The following SUGCT variants were observed in gnomAD, a reference collection of about 807,000 sequenced individuals.
The protein encoded by SUGCT is succinyl-CoA:glutarate-CoA transferase, also known as succinyl-CoA:glutarate CoA-transferase.
Under a neutral mutation model 55.0 loss-of-function variants are expected in SUGCT, and 41 were observed. The observed-to-expected ratio is 0.74, with a 90% CI of 0.58 to 0.97. The LOEUF (loss-of-function observed/expected upper bound fraction) is 0.97, where lower values mean the gene tolerates loss of function less well. Among genes scored for constraint, SUGCT ranks in the 50% least tolerant of loss-of-function variants. The pLI, the probability that SUGCT is intolerant of heterozygous loss-of-function variation, is 0.00. For missense variants in SUGCT, 568 were observed against 547.8 expected, an observed-to-expected ratio of 1.04 and a Z score of -0.37; for synonymous variants, 187 against 200.4, an observed-to-expected ratio of 0.93 and a Z score of 0.56.
chr7:40,151,245 C>G (rs576845554), intron 1 of SUGCT, among the ~76,000 whole-genome samples: 2 of 152,164 alleles, frequency 1.3e-5, no homozygotes, highest in South Asian at 4.1e-4. Flanking sequence ...TCTCTAAAAA[C>G]AAAACAAAAC....
chr7:40,993,674 A>G, the SUGCT span, among the ~76,000 whole-genome samples: 16 of 152,182 alleles, frequency 1.1e-4, no homozygotes, highest in Non-Finnish European at 2.2e-4. Flanking sequence ...ACCCATGGCC[A>G]GAATCCAATC....
At chr7:40,700,207 C>T (rs1359374759) in intron 12 of SUGCT, among the ~76,000 whole-genome samples, 1 of 152,132 alleles carries the variant, frequency 6.6e-6, no homozygotes, top group Non-Finnish European at 1.5e-5. Context: ...CTGCCTTACA[C>T]CCTGTGTTTT....
chr7:40,347,393 TTTTG>T (rs150262530), intron 9 of SUGCT, among the ~76,000 whole-genome samples: 3,767 of 152,266 alleles, frequency 0.025, 49 homozygotes, highest in Non-Finnish European at 0.038. Context: ...CTTCTAGTGT[TTTTG>T]TTTGTTTGTT....
intron 12 of SUGCT, among the ~76,000 whole-genome samples, chr7:40,521,225 A>T (rs968763957): frequency 1.4e-4 from 22 of 152,048 alleles, no homozygotes; most frequent in Non-Finnish European, 2.6e-4. Flanking sequence ...TCCCCGTGTG[A>T]TGCTGTTCTC....
At chr7:40,439,064 G>GTGTGTGTATATA (rs1283539157) in intron 9 of SUGCT, among the ~76,000 whole-genome samples, 4 of 27,194 alleles carry the variant, frequency 1.5e-4, no homozygotes, top group African/African-American at 6.2e-4. Context: ...TATATATGGT[G>GTGTGTGTATATA]TATATATATA....
In SUGCT at chr7:40,450,945, A is replaced by C. The variant is rs1583710054; in HGVS notation, c.888+1587A>C. Among the ~76,000 whole-genome samples the C allele has an allele frequency of 2.6e-5, 4 of 152,318 alleles. No homozygotes were observed. In the East Asian group the frequency reaches 7.7e-4, roughly 29 times the overall value. ...CAGGGAGAAGCTGACAAATGGAGAT[A>C]GTTCTGATTGCAGGAAGGGCTGAAA... is the stretch of plus-strand genomic sequence containing the variant. On this transcript the variant is annotated intron_variant, in intron 10 of 13. Transcript: ENST00000335693.
At chr7:40,489,663 G>A (rs1000898136) in intron 11 of SUGCT, among the ~76,000 whole-genome samples, 3 of 152,258 alleles carry the variant, frequency 2.0e-5, no homozygotes, top group Middle Eastern at 6.8e-3. Context: ...CCTGGTGACA[G>A]AGCGAGACTC....
At chr7:40,636,538 C>T (rs1800029605) in intron 12 of SUGCT, among the ~76,000 whole-genome samples, 1 of 152,190 alleles carries the variant, frequency 6.6e-6, no homozygotes, top group Non-Finnish European at 1.5e-5. Context: ...AATTTTCAGA[C>T]ATTAAAAGCA....
chr7:40,812,545 G>A (rs1192832536), intron 13 of SUGCT, among the ~76,000 whole-genome samples: 1 of 151,920 alleles, frequency 6.6e-6, no homozygotes, highest in Non-Finnish European at 1.5e-5. Context: ...AGGATCTTTT[G>A]TATTTCTATG....
the SUGCT span, among the ~76,000 whole-genome samples, chr7:40,997,991 T>C: frequency 6.6e-6 from 1 of 152,166 alleles, no homozygotes. Context: ...CTCTCAGTGG[T>C]CCTGGAGTCC....
At chr7:40,682,357 A>G (rs1195499172) in intron 12 of SUGCT, among the ~76,000 whole-genome samples, 1 of 152,228 alleles carries the variant, frequency 6.6e-6, no homozygotes, top group Non-Finnish European at 1.5e-5. Context: ...TGAGCTGCTC[A>G]AGCAAATTAA....
At chr7:40,493,220 A>G (rs1180198772) in intron 11 of SUGCT, among the ~76,000 whole-genome samples, 1 of 152,208 alleles carries the variant, frequency 6.6e-6, no homozygotes, top group African/African-American at 2.4e-5. Context: ...GAATTTGAGC[A>G]AGTTAATTTC....
chr7:40,194,793 G>A, intron 5 of SUGCT, 147 bp from the exon 6 acceptor site: 1 of 927,134 alleles, frequency 1.1e-6, no homozygotes, highest in Non-Finnish European at 1.5e-6. Context: ...TAGTTGACTA[G>A]AACTTCTATG....
At chr7:40,203,639 G>A (rs1786749052) in intron 6 of SUGCT, among the ~76,000 whole-genome samples, 1 of 152,040 alleles carries the variant, frequency 6.6e-6, no homozygotes, top group South Asian at 2.1e-4. Flanking sequence ...GCTGGGTGTG[G>A]TGGTGCACGC....
rs17171761 is a variant in SUGCT at position 40,684,360 on chromosome 7, T to C, written c.1090-65074T>C. On this transcript the variant is annotated intron_variant, in intron 12 of 13. Coordinates refer to ENST00000335693, the MANE Select transcript of SUGCT (RefSeq NM_001193313.2). ...AGAGATGCAAAGAGGCATTCCATTTTACTTAGATTCCATTTCTGAGACTCT... is the reference window on the plus strand; with the variant it reads ...AGAGATGCAAAGAGGCATTCCATTTCACTTAGATTCCATTTCTGAGACTCT... 3.2e-3 allele frequency among the ~76,000 whole-genome samples: 493 copies of C among 152,368 alleles called. 1 individual carries two copies. Among genetic ancestry groups the C allele is most frequent in the Non-Finnish European group, 5.6e-3 (383 of 68,026 alleles).
intron 6 of SUGCT, among the ~76,000 whole-genome samples, chr7:40,229,110 C>T (rs1215591091): frequency 2.0e-5 from 3 of 152,170 alleles, no homozygotes; most frequent in Non-Finnish European, 4.4e-5. Context: ...CTGTTAGTTC[C>T]TCTTAGTGGG....
At chr7:40,875,928 T>C in the SUGCT span, among the ~76,000 whole-genome samples, 1 of 152,188 alleles carries the variant, frequency 6.6e-6, no homozygotes, top group Non-Finnish European at 1.5e-5. Context: ...CAGGTGGTCA[T>C]AACGTTGTCC....
At chr7:40,285,685 T>C (rs1318045014) in intron 8 of SUGCT, among the ~76,000 whole-genome samples, 1 of 152,140 alleles carries the variant, frequency 6.6e-6, no homozygotes, top group Non-Finnish European at 1.5e-5. Context: ...GCATCAAGCA[T>C]TGTGGCGAGG....
At chr7:40,937,728 T>G in the SUGCT span, among the ~76,000 whole-genome samples, 1 of 152,212 alleles carries the variant, frequency 6.6e-6, no homozygotes, top group Non-Finnish European at 1.5e-5. Context: ...AGCTCTCTTT[T>G]GGTTACCGCG....
Sources: gnomAD v4.1 joint callset for allele counts (sites outside exome capture counted in the v4.1 genomes callset) on GRCh38, gnomAD v4.1.1 for gene constraint, MANE v1.5 for transcripts, NCBI Gene and HGNC (gene_info 2026-07-23, HGNC 2026-07-21) for gene names.